The following MYOM2 variants were observed in gnomAD, a reference collection of about 807,000 sequenced individuals.
MYOM2 encodes the protein myomesin-2.
MYOM2 carries 254 observed loss-of-function variants against 187.6 expected under a neutral mutation model. That is an observed-to-expected ratio of 1.35 (90% CI 1.22 to 1.50). The LOEUF (loss-of-function observed/expected upper bound fraction) is 1.50, where lower values mean the gene tolerates loss of function less well. Among genes scored for constraint, MYOM2 ranks in the 40% most tolerant of loss-of-function variants. The pLI, the probability that MYOM2 is intolerant of heterozygous loss-of-function variation, is 0.00. For missense variants in MYOM2, 2,796 were observed against 1,924.0 expected, an observed-to-expected ratio of 1.45 and a Z score of -8.48; for synonymous variants, 981 against 753.8, an observed-to-expected ratio of 1.30 and a Z score of -4.94.
At chr8:2,094,966 T>C (rs912565521) in intron 17 of MYOM2, among the ~76,000 whole-genome samples, 4 of 152,208 alleles carry the variant, frequency 2.6e-5, no homozygotes, top group Admixed American at 6.5e-5. Flanking sequence ...TCAGTGCGCA[T>C]ACTCAGAAAC....
chr8:2,121,770 A>G (rs915848707), intron 28 of MYOM2, among the ~76,000 whole-genome samples: 55 of 152,380 alleles, frequency 3.6e-4, no homozygotes, highest in East Asian at 3.9e-4. Context: ...TCTGTTAAAC[A>G]TTCCTTACAC....
intron 32 of MYOM2, among the ~76,000 whole-genome samples, chr8:2,137,071 TCA>T (rs902107352): frequency 6.6e-6 from 1 of 151,558 alleles, no homozygotes; most frequent in African/African-American, 2.4e-5. Context: ...TCTCTCTTTC[TCA>T]CACACACACA....
chr8:2,090,223 G>A (rs759714790), intron 15 of MYOM2, 32 bp downstream of exon 15: 4 of 1,599,698 alleles, frequency 2.5e-6, no homozygotes, highest in South Asian at 1.1e-5. Flanking sequence ...CCCCAAGTCA[G>A]GATGGACTAA....
At chr8:2,141,238 G>A in intron 34 of MYOM2, 61 bp downstream of exon 34, 1 of 1,458,216 alleles carries the variant, frequency 6.9e-7, no homozygotes, top group African/African-American at 1.4e-5. Flanking sequence ...CAGTCGTTTT[G>A]GCTGCATGTG....
At position 2,123,388 on chromosome 8, in the gene MYOM2, A is replaced by AGAG. The variant is rs71270475; in HGVS notation, c.3567+25_3567+26insGGA. The AGAG allele has an allele frequency of 7.0e-6, 11 of 1,568,632 alleles. No individual in the cohort carries two copies. In the South Asian group the frequency reaches 1.2e-4, roughly 18 times the overall value. ...AAGGTATCAGGCATTGAGTAACACAAGAAAGCAAAACAAAAACGGCACTTT... is the reference window on the plus strand; with the variant it reads ...AAGGTATCAGGCATTGAGTAACACAAGAGGAAAGCAAAACAAAAACGGCACTTT... On this transcript the variant is annotated intron_variant, in intron 29 of 36. Transcript: ENST00000262113.
At chr8:2,131,699 A>C (rs1406447024) in intron 32 of MYOM2, among the ~76,000 whole-genome samples, 1 of 141,816 alleles carries the variant, frequency 7.1e-6, no homozygotes, top group Non-Finnish European at 1.5e-5. Context: ...GCTGGAGTGC[A>C]GTGGTGCGAT....
chr8:2,061,073 A>T (rs2129330709), intron 6 of MYOM2, among the ~76,000 whole-genome samples: 1 of 152,096 alleles, frequency 6.6e-6, no homozygotes, highest in East Asian at 2.0e-4. Context: ...TCTGCTATCG[A>T]GGGAGGGGCT....
intron 13 of MYOM2, among the ~76,000 whole-genome samples, chr8:2,084,593 A>C (rs1372890771): frequency 6.6e-6 from 1 of 152,182 alleles, no homozygotes; most frequent in African/African-American, 2.4e-5. Context: ...CCCACACCTC[A>C]TAGTATATTT....
In MYOM2 at chr8:2,110,245, C is replaced by A. The variant is rs62478423; in HGVS notation, c.3180+714C>A. On this transcript the variant is annotated intron_variant, in intron 25 of 36. Transcript: ENST00000262113. Reference sequence around the variant, plus strand: ...GGCTGATGTGGGAGGATCACTGGAGCCTGAGAGGTCCGAGCTGCAGTGAGT... The same window carrying A: ...GGCTGATGTGGGAGGATCACTGGAGACTGAGAGGTCCGAGCTGCAGTGAGT... Among the ~76,000 whole-genome samples the A allele has an allele frequency of 2.0e-3, 306 of 152,268 alleles. 1 individual carries two copies. The highest frequency in any genetic ancestry group is 6.5e-3 in the African/African-American group (270 of 41,564).
intron 11 of MYOM2, 106 bp from the exon 12 acceptor site, chr8:2,078,628 T>C (rs1585863388): frequency 9.9e-7 from 1 of 1,009,194 alleles, no homozygotes; most frequent in East Asian, 2.4e-5. Flanking sequence ...TGGCGTGAGA[T>C]ATTGTCCTGT....
In MYOM2 at chr8:2,090,118, G is replaced by A; in HGVS notation, c.1755G>A (p.Val585=). 2 of 1,614,114 alleles carry A rather than the reference G, an allele frequency of 1.2e-6. No individual in the cohort carries two copies. The highest frequency in any genetic ancestry group is 1.7e-6 in the Non-Finnish European group (2 of 1,180,014). ...LMEGKSYVFR[V]LSANRHGLSE... Reference sequence around the variant, plus strand: ...AAGGGAAGTCTTATGTGTTCCGAGTGCTGTCAGCAAACCGGCATGGCCTGA... The same window carrying A: ...AAGGGAAGTCTTATGTGTTCCGAGTACTGTCAGCAAACCGGCATGGCCTGA... The change falls in exon 15 of 37, where the codon GTG becomes GTA. Residue 585 remains valine, a synonymous_variant. Coordinates refer to ENST00000262113, the MANE Select transcript of MYOM2 (RefSeq NM_003970.4).
chr8:2,083,356 G>A (rs4876230), intron 13 of MYOM2, among the ~76,000 whole-genome samples: 1,844 of 152,222 alleles, frequency 0.012, 25 homozygotes, highest in African/African-American at 0.042. Context: ...TCTTATGTGT[G>A]CTTAGTGGCA....
rs563151411 is a variant in MYOM2 at position 2,112,201 on chromosome 8, A to T, written c.3180+2670A>T. Among the ~76,000 whole-genome samples the T allele has an allele frequency of 1.4e-3, 219 of 152,304 alleles. 2 individuals are homozygous for T. Among genetic ancestry groups the T allele is most frequent in the African/African-American group, 4.6e-3 (191 of 41,564 alleles). On this transcript the variant is annotated intron_variant, in intron 25 of 36. Coordinates refer to ENST00000262113, the MANE Select transcript of MYOM2 (RefSeq NM_003970.4). ...TGAAGTTGCCCTTACAGAGACTGTCACGGAGTCAAAGAAATACACCTTCAA... is the reference window on the plus strand; with the variant it reads ...TGAAGTTGCCCTTACAGAGACTGTCTCGGAGTCAAAGAAATACACCTTCAA...
intron 35 of MYOM2, among the ~76,000 whole-genome samples, chr8:2,142,706 TTCCC>T (rs1323220167): frequency 7.6e-3 from 102 of 13,406 alleles, no homozygotes; most frequent in African/African-American, 0.028. Context: ...TCCCCTCCCC[TTCCC>T]TCCCTCCCTC....
chr8:2,081,245 C>A (rs111587445), intron 13 of MYOM2, among the ~76,000 whole-genome samples: 22 of 104,656 alleles, frequency 2.1e-4, no homozygotes, highest in Non-Finnish European at 3.2e-4. Flanking sequence ...GAGGAACAGG[C>A]AGCCCAGCCC....
intron 8 of MYOM2, among the ~76,000 whole-genome samples, chr8:2,069,862 C>A (rs1188995102): frequency 6.6e-6 from 1 of 152,214 alleles, no homozygotes; most frequent in East Asian, 1.9e-4. Flanking sequence ...AAAAAAGAGA[C>A]ACATCCAAAT....
intron 16 of MYOM2, among the ~76,000 whole-genome samples, chr8:2,093,269 G>A (rs775689895): frequency 6.6e-6 from 1 of 152,206 alleles, no homozygotes; most frequent in Non-Finnish European, 1.5e-5. Context: ...ACAGCCCACA[G>A]CAAATGCAGA....
At chr8:2,115,347 T>G (rs1008263873) in intron 25 of MYOM2, among the ~76,000 whole-genome samples, 1 of 152,246 alleles carries the variant, frequency 6.6e-6, no homozygotes, top group African/African-American at 2.4e-5. Flanking sequence ...GTTCTTTGAC[T>G]TGTAGGATTA....
rs773640162 is a variant in MYOM2 at position 2,092,534 on chromosome 8, C to T, written c.2003+14C>T. The T allele has an allele frequency of 9.3e-6, 15 of 1,612,802 alleles. No individual in the cohort carries two copies. Among genetic ancestry groups the T allele is most frequent in the East Asian group, 2.2e-5 (1 of 44,840 alleles). On this transcript the variant is annotated intron_variant, in intron 16 of 36. Coordinates refer to ENST00000262113, the MANE Select transcript of MYOM2 (RefSeq NM_003970.4). ...CGGATACAACAGGTGCGGCCTCCCT[C>T]CCCAGCCCTGGAGTCAGCCTTGCAG...
Sources: gnomAD v4.1 joint callset for allele counts (sites outside exome capture counted in the v4.1 genomes callset) on GRCh38, gnomAD v4.1.1 for gene constraint, MANE v1.5 for transcripts, NCBI Gene and HGNC (gene_info 2026-07-23, HGNC 2026-07-21) for gene names.